RFX3: variants seen among roughly 807,000 people sequenced by gnomAD.
RFX3 encodes transcription factor RFX3.
A neutral mutation model predicts 98.6 loss-of-function variants in RFX3; 14 were observed. That is an observed-to-expected ratio of 0.14 (90% CI 0.09 to 0.22). RFX3 has a LOEUF of 0.22. Among genes scored for constraint, RFX3 ranks in the 10% least tolerant of loss-of-function variants. RFX3 has a pLI of 1.00. For synonymous variants in RFX3, 383 were observed against 328.4 expected, an observed-to-expected ratio of 1.17 and a Z score of -1.80; for missense variants, 639 against 926.9, an observed-to-expected ratio of 0.69 and a Z score of 4.03.
chr9:3,454,030 T>C (rs1343112703), intron 1 of RFX3, among the ~76,000 whole-genome samples: 1 of 152,140 alleles, frequency 6.6e-6, no homozygotes, highest in Admixed American at 6.5e-5. Context: ...ATAAATATAT[T>C]AGCTGTTTAA....
intron 1 of RFX3, among the ~76,000 whole-genome samples, chr9:3,504,321 A>G (rs909715266): frequency 8.5e-6 from 1 of 117,258 alleles, no homozygotes; most frequent in African/African-American, 3.8e-5. Flanking sequence ...CATATATTAT[A>G]TATAAAATAT....
chr9:3,352,040 G>A (rs1197351589), intron 2 of RFX3, among the ~76,000 whole-genome samples: 1 of 151,958 alleles, frequency 6.6e-6, no homozygotes, highest in Non-Finnish European at 1.5e-5. Flanking sequence ...ACATTATGAA[G>A]TGAATCTTAG....
intron 15 of RFX3, among the ~76,000 whole-genome samples, chr9:3,236,037 A>T (rs901046747): frequency 6.6e-6 from 1 of 152,146 alleles, no homozygotes. Flanking sequence ...GAGGAAACAC[A>T]TCCAACCCGA....
chr9:3,225,314 A>G, intron 16 of RFX3, 34 bp from the exon 17 acceptor site: 1 of 1,605,578 alleles, frequency 6.2e-7, no homozygotes, highest in South Asian at 1.1e-5. Flanking sequence ...ACTATCATCG[A>G]AGACAAATTA....
intron 13 of RFX3, among the ~76,000 whole-genome samples, chr9:3,258,834 C>T (rs1822484493): frequency 6.6e-6 from 1 of 151,168 alleles, no homozygotes; most frequent in African/African-American, 2.4e-5. Context: ...TTTATGCATA[C>T]ATTTATATTT....
chr9:3,324,755 G>T (rs571492555), intron 4 of RFX3, among the ~76,000 whole-genome samples: 1 of 152,088 alleles, frequency 6.6e-6, no homozygotes, highest in African/African-American at 2.4e-5. Context: ...CTGAGGTCAG[G>T]AGTTTGAGAC....
At chr9:3,320,859 T>C (rs1468914614) in intron 4 of RFX3, among the ~76,000 whole-genome samples, 1 of 147,618 alleles carries the variant, frequency 6.8e-6, no homozygotes, top group African/African-American at 2.5e-5. Context: ...GAGATAAAAG[T>C]ACTAACGTTT....
intron 2 of RFX3, chr9:3,394,754 G>C (rs1195169569): frequency 1.3e-6 from 1 of 799,550 alleles, no homozygotes; most frequent in African/African-American, 1.9e-5. Context: ...AATGTTATAT[G>C]ACATATGATC....
At chr9:3,424,348 C>CTTTTTTTTT (rs748693786) in intron 1 of RFX3, among the ~76,000 whole-genome samples, 2 of 76,006 alleles carry the variant, frequency 2.6e-5, no homozygotes, top group African/African-American at 6.5e-5. Context: ...ACATAATTGA[C>CTTTTTTTTT]TTTTTTTTTT....
intron 1 of RFX3, among the ~76,000 whole-genome samples, chr9:3,482,487 T>G (rs982730039): frequency 6.6e-6 from 1 of 152,222 alleles, no homozygotes; most frequent in African/African-American, 2.4e-5. Context: ...ATATATAAAC[T>G]TTTATAATTG....
At chr9:3,300,333 C>T (rs2130018089) in intron 5 of RFX3, among the ~76,000 whole-genome samples, 1 of 151,780 alleles carries the variant, frequency 6.6e-6, no homozygotes, top group Middle Eastern at 3.4e-3. Flanking sequence ...AATTTATAGG[C>T]ATTCTCCAAG....
In RFX3 at chr9:3,330,276, G is replaced by A. The variant is rs1174211651; in HGVS notation, c.457C>T (p.Arg153Trp). The change falls in exon 4 of 17, where the codon CGG (arginine) becomes TGG (tryptophan). Residue 153 changes from arginine (R) to tryptophan (W), a missense_variant. Physicochemically the swap from Arg to Trp is moderately radical, Grantham distance 101. This residue lies in a region of RFX3 where 210 missense variants were observed against 197.7 expected (regional missense o/e 1.06). Transcript: ENST00000617270. ...NSGHSVTHTTRASPATIEMAI... is the reference protein window; with the variant it reads ...NSGHSVTHTTWASPATIEMAI... The stretch of plus-strand genomic sequence containing the variant: ...ATACTTACTGTCGCTGGGGAGGCCC[G>A]AGTTGTGTGTGTCACTGAGTGACCA... 3.1e-6 allele frequency: 5 copies of A among 1,613,946 alleles called. No individual in the cohort carries two copies. The highest frequency in any genetic ancestry group is 1.3e-5 in the African/African-American group (1 of 74,920).
At chr9:3,452,915 A>G (rs887708464) in intron 1 of RFX3, among the ~76,000 whole-genome samples, 1 of 152,200 alleles carries the variant, frequency 6.6e-6, no homozygotes, top group African/African-American at 2.4e-5. Context: ...AATGATTTCA[A>G]TCAAGTTCTT....
Position 3,220,053 on chromosome 9 carries a change from CAT to C in RFX3, c.*4987_*4988del, listed in dbSNP as rs1322978474. 1 of 152,198 alleles carries C rather than the reference CAT, an allele frequency of 6.6e-6. No individual in the cohort carries two copies. The highest frequency in any genetic ancestry group is 1.5e-5 in the Non-Finnish European group (1 of 68,040). The allele number at this position is 152,198 out of a possible 1,614,324, so 9.4% of individuals were successfully genotyped here. On this transcript the variant is annotated 3_prime_UTR_variant, in exon 17 of 17. Coordinates refer to ENST00000617270, the MANE Select transcript of RFX3 (RefSeq NM_001282116.2). ...ATTTAGAGATATCAGAAGCAGTAGT[CAT>C]AGCATCTCCTGACAGATGAGCTTAA...
At chr9:3,474,016 G>T (rs1320945609) in intron 1 of RFX3, among the ~76,000 whole-genome samples, 1 of 152,176 alleles carries the variant, frequency 6.6e-6, no homozygotes, top group Non-Finnish European at 1.5e-5. Context: ...TTCTGATTCA[G>T]TAGGTCTGGA....
At chr9:3,264,338 G>A (rs1213754750) in intron 12 of RFX3, among the ~76,000 whole-genome samples, 1 of 151,978 alleles carries the variant, frequency 6.6e-6, no homozygotes, top group East Asian at 1.9e-4. Context: ...GTATAGTATT[G>A]CACTCAATCA....
chr9:3,472,445 T>C (rs751962352), intron 1 of RFX3, among the ~76,000 whole-genome samples: 2 of 152,184 alleles, frequency 1.3e-5, no homozygotes, highest in Admixed American at 1.3e-4. Flanking sequence ...CACTAGCTCA[T>C]AGTTATCATT....
chr9:3,356,911 TGAC>T lies in RFX3; in HGVS notation c.118-10150_118-10148del, dbSNP rs1835834880. On this transcript the variant is annotated intron_variant, in intron 2 of 16. Coordinates refer to ENST00000617270, the MANE Select transcript of RFX3 (RefSeq NM_001282116.2). ...CCTCAATAAATGCCAGAAAAGCATT[TGAC>T]AAAACTCAACGTCCATTCATGATTA... Among the ~76,000 whole-genome samples, 8 of 150,980 alleles carry T rather than the reference TGAC, an allele frequency of 5.3e-5. No individual in the cohort carries two copies. In the South Asian group the frequency reaches 1.7e-3, roughly 32 times the overall value.
intron 1 of RFX3, among the ~76,000 whole-genome samples, chr9:3,421,338 T>A (rs1027954779): frequency 6.6e-6 from 1 of 152,178 alleles, no homozygotes; most frequent in Admixed American, 6.5e-5. Flanking sequence ...AATGCAACTG[T>A]TAGGCAGCAT....
Sources: allele counts gnomAD v4.1 joint callset (sites outside exome capture counted in the v4.1 genomes callset), GRCh38; gene constraint gnomAD v4.1.1; regional missense constraint gnomAD v4.1.1; transcripts MANE v1.5; gene names NCBI Gene and HGNC (gene_info 2026-07-23, HGNC 2026-07-21).